Variants in OXR1 observed in about 807,000 individuals in gnomAD.
OXR1 encodes the protein oxidation resistance protein 1.
A neutral mutation model predicts 104.6 loss-of-function variants in OXR1; 41 were observed. The observed-to-expected ratio is 0.39, with a 90% CI of 0.31 to 0.51. The LOEUF (loss-of-function observed/expected upper bound fraction) is 0.51. Among genes scored for constraint, OXR1 ranks in the 20% least tolerant of loss-of-function variants. The probability of loss-of-function intolerance (pLI) is 0.77; values close to 1 mark genes in which losing one functional copy is unlikely to be tolerated. For missense variants in OXR1, 955 were observed against 1,031.9 expected, an observed-to-expected ratio of 0.93 and a Z score of 1.02; for synonymous variants, 348 against 348.4, an observed-to-expected ratio of 1.00 and a Z score of 0.01.
chr8:106,627,493 G>A (rs563601603), intron 3 of OXR1, among the ~76,000 whole-genome samples: 2 of 152,168 alleles, frequency 1.3e-5, no homozygotes, highest in South Asian at 4.1e-4. Flanking sequence ...TTCTATATTT[G>A]TGTTTTACAT....
chr8:106,533,737 G>A (rs1035066197), intron 3 of OXR1, among the ~76,000 whole-genome samples: 4 of 146,906 alleles, frequency 2.7e-5, no homozygotes, highest in Admixed American at 6.7e-5. Context: ...TTTTGGAGAT[G>A]GATTTTCTCT....
chr8:106,653,082 AAAT>A lies in OXR1; in HGVS notation c.221-26126_221-26124del, dbSNP rs1454929955. On this transcript the variant is annotated intron_variant, in intron 3 of 16. Coordinates refer to ENST00000517566, the MANE Select transcript of OXR1 (RefSeq NM_001198533.2). ...CACAAGGAGAAATAGAAAAAAAAAA[AAAT>A]ATATATATATATATGGTAAATGATT... Among the ~76,000 whole-genome samples, 335 of 104,482 alleles carry A rather than the reference AAAT, an allele frequency of 3.2e-3. 2 individuals are homozygous for A. The highest frequency in any genetic ancestry group is 0.01 in the African/African-American group (299 of 29,732). 68.5% of individuals were successfully genotyped at this position (104,482 alleles called of 152,430 possible). A position where few individuals can be genotyped will look rare whatever the true frequency, so the allele number is the denominator to read the frequency against.
At chr8:106,614,020 C>T (rs1253297106) in intron 3 of OXR1, among the ~76,000 whole-genome samples, 1 of 152,208 alleles carries the variant, frequency 6.6e-6, no homozygotes, top group Non-Finnish European at 1.5e-5. Flanking sequence ...AATGTGTACA[C>T]ACTACAAGTG....
intron 3 of OXR1, among the ~76,000 whole-genome samples, chr8:106,662,167 C>A (rs1340429186): frequency 6.6e-6 from 1 of 152,128 alleles, no homozygotes; most frequent in Non-Finnish European, 1.5e-5. Context: ...TCTGGTAATA[C>A]CAACCATAGA....
intron 3 of OXR1, among the ~76,000 whole-genome samples, chr8:106,529,577 C>T (rs1394735236): frequency 6.6e-6 from 1 of 152,136 alleles, no homozygotes; most frequent in African/African-American, 2.4e-5. Context: ...ATAAGCTTGC[C>T]AACTCTAGTT....
chr8:106,467,832 A>T (rs766402749), intron 2 of OXR1, among the ~76,000 whole-genome samples: 2 of 151,940 alleles, frequency 1.3e-5, no homozygotes, highest in Non-Finnish European at 2.9e-5. Flanking sequence ...GACAATGTTG[A>T]CAAATTAGTA....
At chr8:106,694,603 AATAT>A (rs143754064) in intron 7 of OXR1, among the ~76,000 whole-genome samples, 182 of 51,220 alleles carry the variant, frequency 3.6e-3, no homozygotes, top group Non-Finnish European at 5.6e-3. Context: ...TTGATATATA[AATAT>A]ATGTTTATAT....
intron 7 of OXR1, among the ~76,000 whole-genome samples, chr8:106,699,384 T>A (rs1198933688): frequency 6.6e-6 from 1 of 152,094 alleles, no homozygotes; most frequent in Non-Finnish European, 1.5e-5. Flanking sequence ...TCTGGGTTGT[T>A]TGTTTGTTTT....
chr8:106,683,135 T>G (rs1362532880), intron 4 of OXR1, 64 bp from the exon 5 acceptor site: 1 of 769,994 alleles, frequency 1.3e-6, no homozygotes, highest in Non-Finnish European at 2.2e-6. Flanking sequence ...TAATGCTCAT[T>G]AAATATTATA....
chr8:106,596,604 C>T (rs928811786), intron 3 of OXR1, among the ~76,000 whole-genome samples: 1 of 152,126 alleles, frequency 6.6e-6, no homozygotes, highest in Non-Finnish European at 1.5e-5. Flanking sequence ...AGGGTGTACA[C>T]ATTGTATTTT....
At chr8:106,591,952 G>A (rs1346301550) in intron 3 of OXR1, among the ~76,000 whole-genome samples, 1 of 152,146 alleles carries the variant, frequency 6.6e-6, no homozygotes, top group African/African-American at 2.4e-5. Context: ...CGGCATTTCC[G>A]ACACACTGCT....
chr8:106,315,798 A>G (rs940952761), intron 1 of OXR1, among the ~76,000 whole-genome samples: 4 of 152,236 alleles, frequency 2.6e-5, no homozygotes, highest in Non-Finnish European at 4.4e-5. Flanking sequence ...AGAGAAGATC[A>G]TCTCTACTTA....
chr8:106,404,605 T>C (rs79063642), intron 2 of OXR1, among the ~76,000 whole-genome samples: 1 of 152,136 alleles, frequency 6.6e-6, no homozygotes, highest in Non-Finnish European at 1.5e-5. Context: ...TTTTTTTTTT[T>C]CACCACTTTG....
At chr8:106,388,788 C>T (rs1817482550) in intron 2 of OXR1, among the ~76,000 whole-genome samples, 2 of 152,206 alleles carry the variant, frequency 1.3e-5, no homozygotes. Context: ...TACTATCTTG[C>T]ACCTTGAAGC....
intron 11 of OXR1, among the ~76,000 whole-genome samples, chr8:106,724,385 T>A (rs1298209595): frequency 1.3e-5 from 2 of 152,172 alleles, no homozygotes; most frequent in Non-Finnish European, 2.9e-5. Context: ...TTATAAATAC[T>A]ACAAAAACAG....
intron 3 of OXR1, among the ~76,000 whole-genome samples, chr8:106,547,086 T>A (rs975325339): frequency 1.3e-5 from 2 of 152,164 alleles, no homozygotes; most frequent in African/African-American, 4.8e-5. Flanking sequence ...AGACCGGGTT[T>A]CACCATGTTG....
At chr8:106,738,990 A>G (rs1239764637) in intron 12 of OXR1, among the ~76,000 whole-genome samples, 1 of 151,950 alleles carries the variant, frequency 6.6e-6, no homozygotes, top group Non-Finnish European at 1.5e-5. Context: ...TATTCTTTAC[A>G]TTAAAATTTT....
intron 3 of OXR1, among the ~76,000 whole-genome samples, chr8:106,676,917 T>C (rs1190341905): frequency 2.0e-5 from 3 of 152,160 alleles, no homozygotes; most frequent in Non-Finnish European, 4.4e-5. Context: ...CATTTGTTTT[T>C]CAAACTTTAA....
intron 1 of OXR1, among the ~76,000 whole-genome samples, chr8:106,321,482 T>C (rs562778796): frequency 5.3e-4 from 81 of 152,234 alleles, no homozygotes; most frequent in Admixed American, 1.4e-3. Context: ...GTGGTGGTGG[T>C]AGTGGTAGTG....
Sources: gnomAD v4.1 joint callset for allele counts (sites outside exome capture counted in the v4.1 genomes callset) on GRCh38, gnomAD v4.1.1 for gene constraint, MANE v1.5 for transcripts, NCBI Gene and HGNC (gene_info 2026-07-23, HGNC 2026-07-21) for gene names.